PARP2: variants seen among roughly 807,000 people sequenced by gnomAD.
PARP2 encodes poly [ADP-ribose] polymerase 2.
A neutral mutation model predicts 77.8 loss-of-function variants in PARP2; 57 were observed. That is an observed-to-expected ratio of 0.73 (90% CI 0.59 to 0.91). PARP2 has a LOEUF of 0.91. Ranked by LOEUF, PARP2 falls within the 40% of genes least tolerant of loss-of-function variation. The probability of loss-of-function intolerance (pLI) is 0.00; values close to 1 mark genes in which losing one functional copy is unlikely to be tolerated. For missense variants in PARP2, 651 were observed against 689.0 expected (o/e 0.94, Z 0.62); for synonymous variants, 226 against 242.6 (o/e 0.93, Z 0.64).
chr14:20,352,892 T>C (rs1884011046), intron 7 of PARP2: 1 of 151,698 alleles, frequency 6.6e-6, no homozygotes, highest in African/African-American at 2.4e-5. Flanking sequence ...TTTTTTTTTT[T>C]TGAGCTGGAG....
In PARP2 at chr14:20,357,462, A is replaced by C; in HGVS notation, c.1495A>C (p.Lys499Gln). The change falls in exon 15 of 16, where the codon AAA (lysine) becomes CAA (glutamine). Residue 499 changes from lysine to glutamine, a missense_variant. Physicochemically the swap from Lys to Gln is moderately conservative, Grantham distance 53. Coordinates refer to ENST00000429687, the MANE Select transcript of PARP2 (RefSeq NM_001042618.2). ...TAAGGCCGAAGGATTGCTTCAAGGT[A>C]AACATAGCACCAAGGGGCTGGGCAA... Reference protein sequence around the residue: ...NPKAEGLLQGKHSTKGLGKMA... With the variant: ...NPKAEGLLQGQHSTKGLGKMA... 6.2e-7 allele frequency: 1 copy of C among 1,614,016 alleles called. No individual in the cohort carries two copies. Among genetic ancestry groups the C allele is most frequent in the Non-Finnish European group, 8.5e-7 (1 of 1,179,948 alleles).
intron 7 of PARP2, 36 bp downstream of exon 7, chr14:20,352,383 T>G (rs1014787604): frequency 1.3e-5 from 17 of 1,270,548 alleles, no homozygotes; most frequent in Non-Finnish European, 1.7e-5. Context: ...GAAACACATC[T>G]TCTTTTTTTA....
intron 4 of PARP2, among the ~76,000 whole-genome samples, chr14:20,347,498 C>T (rs1883810715): frequency 7.5e-6 from 1 of 133,954 alleles, no homozygotes; most frequent in Non-Finnish European, 1.5e-5. Context: ...TCACTGCAAT[C>T]TCTGCCTCCT....
intron 9 of PARP2, 149 bp downstream of exon 9, chr14:20,355,096 C>A: frequency 1.4e-6 from 1 of 692,426 alleles, no homozygotes; most frequent in Non-Finnish European, 2.4e-6. Context: ...TATAGGTAGC[C>A]TATTTAATCA....
chr14:20,350,490 A>G (rs759054134), intron 4 of PARP2, 36 bp from the exon 5 acceptor site: 44 of 1,152,744 alleles, frequency 3.8e-5, no homozygotes, highest in Non-Finnish European at 5.6e-5. Flanking sequence ...CATTTGCAAA[A>G]CTCCTTTTTT....
intron 1 of PARP2, 89 bp from the exon 2 acceptor site, chr14:20,344,843 A>G (rs1883650365): frequency 1.1e-6 from 1 of 901,302 alleles, no homozygotes; most frequent in Non-Finnish European, 1.7e-6. Context: ...ATTATCTTAA[A>G]CCATTTCTTT....
chr14:20,355,857 C>G (rs778232959), intron 10 of PARP2, 40 bp from the exon 11 acceptor site: 2 of 1,613,124 alleles, frequency 1.2e-6, no homozygotes, highest in Non-Finnish European at 8.5e-7. Context: ...TCCCTTATAC[C>G]AGTGTCCTCC....
intron 4 of PARP2, among the ~76,000 whole-genome samples, chr14:20,347,395 TATA>T (rs1165508348): frequency 6.3e-4 from 11 of 17,408 alleles, no homozygotes; most frequent in African/African-American, 9.8e-4. Flanking sequence ...TATATATATA[TATA>T]TTTTTTTTTT....
chr14:20,354,005 A>G (rs1005099073), intron 7 of PARP2, 80 bp from the exon 8 acceptor site: 3 of 1,108,032 alleles, frequency 2.7e-6, no homozygotes, highest in Non-Finnish European at 4.0e-6. Flanking sequence ...AAGCATTTAC[A>G]TTGTATAATA....
chr14:20,354,109 G>C lies in PARP2; in HGVS notation c.625G>C (p.Glu209Gln), dbSNP rs562109017. 8.1e-5 allele frequency: 130 copies of C among 1,613,108 alleles called. No individual in the cohort carries two copies. The East Asian group carries it at 2.0e-3, about 25-fold the overall frequency. ...TQDEEETKKE[E>Q]SLKSPLKPES... ...GGATGAAGAGGAAACAAAGAAAGAG[G>C]AATCTCTTAAATCTCCCTTGAAGCC... Residue 209 changes from glutamate (E) to glutamine (Q), a missense_variant, in exon 8 of 16, where the codon GAA becomes CAA. Glu to Gln is a conservative substitution (Grantham distance 29). Coordinates refer to ENST00000429687, the MANE Select transcript of PARP2 (RefSeq NM_001042618.2).
At position 20,357,731 on chromosome 14, in the gene PARP2, TA is replaced by T; in HGVS notation, c.1649del (p.Asn550ThrfsTer11). Reference sequence around the variant, plus strand: ...TCAACTACAATGAATATATTGTATATAACCCCAACCAGGTCCGTATGCGGTA... The same window carrying T: ...TCAACTACAATGAATATATTGTATATACCCCAACCAGGTCCGTATGCGGTA... ...TLNYNEYIVY[N>X]PNQVRMRYLL... is the part of the protein sequence containing the mutation. On this transcript the variant is annotated frameshift_variant, in exon 16 of 16. Coordinates refer to ENST00000429687, the MANE Select transcript of PARP2 (RefSeq NM_001042618.2). LOFTEE classifies it high-confidence loss of function. 6.2e-7 allele frequency: 1 copy of T among 1,614,006 alleles called. No individual in the cohort carries two copies. Among genetic ancestry groups the T allele is most frequent in the South Asian group, 1.1e-5 (1 of 91,066 alleles).
In PARP2 at chr14:20,355,792, T is replaced by G. The variant is rs1247723712; in HGVS notation, c.943T>G (p.Ser315Ala). Residue 315 changes from serine to alanine, a missense_variant, in exon 10 of 16, where the codon TCA (serine) becomes GCA (alanine). Coordinates refer to ENST00000429687, the MANE Select transcript of PARP2 (RefSeq NM_001042618.2). ...PPLIRTQKELSEKIQLLEALG... is the reference protein window; with the variant it reads ...PPLIRTQKELAEKIQLLEALG... ...ACTAATCCGGACACAGAAGGAACTGTCAGAAAAAATACAATTACTAGAGGT... is the reference window on the plus strand; with the variant it reads ...ACTAATCCGGACACAGAAGGAACTGGCAGAAAAAATACAATTACTAGAGGT... 2.5e-6 allele frequency: 4 copies of G among 1,613,782 alleles called. No homozygotes were observed. In the East Asian group the frequency reaches 8.9e-5, roughly 36 times the overall value.
In PARP2 at chr14:20,357,723, A is replaced by G; in HGVS notation, c.1639A>G (p.Ile547Val). 2 of 1,613,682 alleles carry G rather than the reference A, an allele frequency of 1.2e-6. No individual in the cohort carries two copies. The highest frequency in any genetic ancestry group is 1.7e-6 in the Non-Finnish European group (2 of 1,179,574). ...DGYTLNYNEYIVYNPNQVRMR... is the reference protein window; with the variant it reads ...DGYTLNYNEYVVYNPNQVRMR... ...TTATACCCTCAACTACAATGAATAT[A>G]TTGTATATAACCCCAACCAGGTCCG... Residue 547 changes from isoleucine to valine, a missense_variant, in exon 16 of 16, where the codon ATT (isoleucine) becomes GTT (valine). Ile to Val is a conservative substitution (Grantham distance 29). Transcript: ENST00000429687.
chr14:20,345,064 A>G lies in PARP2; in HGVS notation c.179A>G (p.Asp60Gly). 1 of 1,614,188 alleles carries G rather than the reference A, an allele frequency of 6.2e-7. No individual in the cohort carries two copies. The highest frequency in any genetic ancestry group is 8.5e-7 in the Non-Finnish European group (1 of 1,179,998). Reference protein sequence around the residue: ...MPVAGGKANKDRTEDKQDESV... With the variant: ...MPVAGGKANKGRTEDKQDESV... ...GTGGCTGGAGGAAAAGCTAATAAGG[A>G]CAGGACAGAAGACAAGCAAGATGGT... Residue 60 changes from aspartate to glycine, a missense_variant, in exon 2 of 16, where the codon GAC becomes GGC. Asp to Gly is a moderately conservative substitution (Grantham distance 94). Transcript: ENST00000429687.
chr14:20,354,277 C>T, intron 8 of PARP2, 30 bp downstream of exon 8: 1 of 1,554,598 alleles, frequency 6.4e-7, no homozygotes, highest in Non-Finnish European at 8.9e-7. Flanking sequence ...TCTGCATTCT[C>T]TCCTTATAAT....
intron 5 of PARP2, 23 bp from the exon 6 acceptor site, chr14:20,351,024 T>C (rs770161745): frequency 1.3e-6 from 2 of 1,599,124 alleles, no homozygotes; most frequent in East Asian, 2.2e-5. Flanking sequence ...GGAACTATCT[T>C]ATGTGTGGCA....
At chr14:20,352,519 A>G (rs1467796884) in intron 7 of PARP2, 172 bp downstream of exon 7, 1 of 457,488 alleles carries the variant, frequency 2.2e-6, no homozygotes, top group African/African-American at 2.1e-5. Flanking sequence ...AGTATCAGGA[A>G]CTACAGGCAC....
intron 7 of PARP2, among the ~76,000 whole-genome samples, chr14:20,353,804 T>C (rs1884044666): frequency 6.6e-6 from 1 of 151,916 alleles, no homozygotes; most frequent in African/African-American, 2.4e-5. Context: ...GAGGAAAGCC[T>C]TTTTTTTCTA....
Position 20,345,174 on chromosome 14 carries a change from C to T in PARP2, c.202+87C>T, listed in dbSNP as rs766548947. On this transcript the variant is annotated intron_variant, in intron 2 of 15. Coordinates refer to ENST00000429687, the MANE Select transcript of PARP2 (RefSeq NM_001042618.2). ...TATCTTGTTATTTCAACTCCTATTT[C>T]GTCCTTCTTTCAGGGAATAATTAAT... The T allele has an allele frequency of 2.5e-5, 37 of 1,452,956 alleles. No homozygotes were observed. In the African/African-American group the frequency reaches 4.3e-4, roughly 17 times the overall value. 90.0% of individuals were successfully genotyped at this position (1,452,956 alleles called of 1,614,324 possible). A position where few individuals can be genotyped will look rare whatever the true frequency, so the allele number is the denominator to read the frequency against.
Sources: allele counts gnomAD v4.1 joint callset (sites outside exome capture counted in the v4.1 genomes callset), GRCh38; gene constraint gnomAD v4.1.1; transcripts MANE v1.5; gene names NCBI Gene and HGNC (gene_info 2026-07-23, HGNC 2026-07-21).